The following C1orf21 variants were observed in gnomAD, a reference collection of about 807,000 sequenced individuals.
C1orf21 encodes uncharacterized protein C1orf21.
C1orf21 carries 3 observed loss-of-function variants against 18.7 expected under a neutral mutation model. The ratio of observed to expected loss-of-function variants is 0.16; its 90% confidence interval spans 0.07 to 0.42. The LOEUF (loss-of-function observed/expected upper bound fraction) is 0.42. Among genes scored for constraint, C1orf21 ranks in the 10% least tolerant of loss-of-function variants. The probability of loss-of-function intolerance (pLI) is 0.99; values close to 1 mark genes in which losing one functional copy is unlikely to be tolerated. For missense variants in C1orf21, 104 were observed against 143.6 expected, an observed-to-expected ratio of 0.72 and a Z score of 1.41; for synonymous variants, 41 against 46.4, an observed-to-expected ratio of 0.88 and a Z score of 0.47.
rs1659993779 is a variant in C1orf21 at position 184,625,537 on chromosome 1, C to T, written c.*5981C>T. On this transcript the variant is annotated 3_prime_UTR_variant, in exon 6 of 6. Transcript: ENST00000235307. ...TAGATTCGGATCTATTTTCTTAACA[C>T]ACATACACATACACGCGCATACATA... The T allele has an allele frequency of 6.6e-6, 1 of 152,604 alleles. No homozygotes were observed. The highest frequency in any genetic ancestry group is 2.1e-4 in the South Asian group (1 of 4,828). The allele number at this position is 152,604 out of a possible 1,614,324, so 9.5% of individuals were successfully genotyped here.
At chr1:184,419,615 G>A (rs925447539) in intron 1 of C1orf21, among the ~76,000 whole-genome samples, 2 of 151,808 alleles carry the variant, frequency 1.3e-5, no homozygotes, top group Admixed American at 1.3e-4. Flanking sequence ...TACGCCATAT[G>A]TTTGAAAGTG....
chr1:184,480,900 G>A (rs1383892701), intron 2 of C1orf21, among the ~76,000 whole-genome samples: 1 of 152,194 alleles, frequency 6.6e-6, no homozygotes, highest in African/African-American at 2.4e-5. Context: ...AGGTTGTATA[G>A]TGGCCTTTGT....
chr1:184,583,208 G>C (rs1305139423), intron 3 of C1orf21, among the ~76,000 whole-genome samples: 1 of 152,188 alleles, frequency 6.6e-6, no homozygotes, highest in African/African-American at 2.4e-5. Context: ...GGGAATAAGG[G>C]ATTGGGAAGC....
chr1:184,411,578 C>T (rs1656355120), intron 1 of C1orf21, among the ~76,000 whole-genome samples: 1 of 151,768 alleles, frequency 6.6e-6, no homozygotes, highest in Non-Finnish European at 1.5e-5. Flanking sequence ...CCCGCCATCA[C>T]GCCTGGCTAT....
At chr1:184,557,880 A>G (rs1431644004) in intron 3 of C1orf21, among the ~76,000 whole-genome samples, 2 of 152,158 alleles carry the variant, frequency 1.3e-5, no homozygotes, top group East Asian at 1.9e-4. Flanking sequence ...GGAGCCATTC[A>G]TTCTAGATAA....
At chr1:184,521,898 A>T (rs1658310923) in intron 3 of C1orf21, among the ~76,000 whole-genome samples, 2 of 152,236 alleles carry the variant, frequency 1.3e-5, no homozygotes, top group Admixed American at 6.5e-5. Flanking sequence ...AACTTTGGAA[A>T]TCAACGAAGA....
In C1orf21 at chr1:184,627,735, T is replaced by C. The variant is rs924516461; in HGVS notation, c.*8179T>C. 2 of 152,224 alleles carry C rather than the reference T, an allele frequency of 1.3e-5. No homozygotes were observed. The highest frequency in any genetic ancestry group is 4.8e-5 in the African/African-American group (2 of 41,454). The allele number at this position is 152,224 out of a possible 1,614,324, so 9.4% of individuals were successfully genotyped here. On this transcript the variant is annotated 3_prime_UTR_variant, in exon 6 of 6. Transcript: ENST00000235307. ...ATTTGTCCAGCGGTAATCCTGATGC[T>C]GGAAACCAACAAACATTTGGCCTCA...
At chr1:184,592,867 C>T (rs146395221) in intron 4 of C1orf21, among the ~76,000 whole-genome samples, 1 of 152,174 alleles carries the variant, frequency 6.6e-6, no homozygotes, top group African/African-American at 2.4e-5. Context: ...TCAATTTTTA[C>T]TTTCAAAGAA....
intron 1 of C1orf21, among the ~76,000 whole-genome samples, chr1:184,476,467 G>T (rs77405264): frequency 2.1e-3 from 315 of 152,308 alleles, no homozygotes; most frequent in African/African-American, 7.0e-3. Flanking sequence ...GCCTGGAATG[G>T]TTGGGTGAGG....
In C1orf21 at chr1:184,627,180, T is replaced by G. The variant is rs1240485953; in HGVS notation, c.*7624T>G. ...CCTGGAGGCTGCCAGAGCTGGGAGC[T>G]CTGCAGGTATGAGTCAGGGAAGGCT... On this transcript the variant is annotated 3_prime_UTR_variant, in exon 6 of 6. Transcript: ENST00000235307. 1 of 152,322 alleles carries G rather than the reference T, an allele frequency of 6.6e-6. No homozygotes were observed. The highest frequency in any genetic ancestry group is 1.5e-5 in the Non-Finnish European group (1 of 68,046). The allele number at this position is 152,322 out of a possible 1,614,324, so 9.4% of individuals were successfully genotyped here.
chr1:184,452,305 C>T (rs1350613274), intron 1 of C1orf21, among the ~76,000 whole-genome samples: 1 of 152,164 alleles, frequency 6.6e-6, no homozygotes, highest in African/African-American at 2.4e-5. Flanking sequence ...CTAGAGTCCC[C>T]ACAGGCTGAG....
At chr1:184,415,746 A>G (rs575229589) in intron 1 of C1orf21, among the ~76,000 whole-genome samples, 2 of 152,298 alleles carry the variant, frequency 1.3e-5, no homozygotes, top group African/African-American at 4.8e-5. Context: ...TCAAAAGTCT[A>G]TTAGGCCTAC....
intron 1 of C1orf21, among the ~76,000 whole-genome samples, chr1:184,431,004 C>T (rs2101970742): frequency 6.6e-6 from 1 of 152,230 alleles, no homozygotes; most frequent in South Asian, 2.1e-4. Context: ...TGCTTCACAT[C>T]CCTTGTAAGT....
intron 2 of C1orf21, among the ~76,000 whole-genome samples, chr1:184,503,095 AAAAAAAAG>A (rs1231487117): frequency 6.6e-6 from 1 of 151,492 alleles, no homozygotes; most frequent in African/African-American, 2.4e-5. Context: ...AAAAAAAAAA[AAAAAAAAG>A]ATGTATCAAG....
intron 5 of C1orf21, among the ~76,000 whole-genome samples, chr1:184,614,065 A>C (rs956352964): frequency 6.6e-6 from 1 of 152,188 alleles, no homozygotes; most frequent in African/African-American, 2.4e-5. Context: ...AGTGAGAAGC[A>C]CCGAGGCCCT....
At chr1:184,425,725 G>A (rs1190789619) in intron 1 of C1orf21, among the ~76,000 whole-genome samples, 2 of 152,146 alleles carry the variant, frequency 1.3e-5, no homozygotes, top group Non-Finnish European at 2.9e-5. Context: ...GCTTGAAAGG[G>A]CAAGGTCAGA....
chr1:184,567,491 G>T, intron 3 of C1orf21: 1 of 539,014 alleles, frequency 1.9e-6, no homozygotes. Flanking sequence ...TTGGATTGTA[G>T]GGAAGCTGAG....
chr1:184,512,149 C>G (rs1009506826), intron 3 of C1orf21, among the ~76,000 whole-genome samples: 1 of 152,178 alleles, frequency 6.6e-6, no homozygotes, highest in Non-Finnish European at 1.5e-5. Flanking sequence ...TGCCACTGCC[C>G]TCCTTGCTCA....
At chr1:184,396,060 T>C (rs1656045133) in intron 1 of C1orf21, among the ~76,000 whole-genome samples, 1 of 152,178 alleles carries the variant, frequency 6.6e-6, no homozygotes, top group African/African-American at 2.4e-5. Flanking sequence ...AGAAATGTAA[T>C]GACGTGGAGC....
Sources: gnomAD v4.1 joint callset for allele counts (sites outside exome capture counted in the v4.1 genomes callset) on GRCh38, gnomAD v4.1.1 for gene constraint, MANE v1.5 for transcripts, NCBI Gene and HGNC (gene_info 2026-07-23, HGNC 2026-07-21) for gene names.